GLIS3: variants seen among roughly 807,000 people sequenced by gnomAD.
GLIS3 encodes the protein zinc finger protein GLIS3.
GLIS3 carries 53 observed loss-of-function variants against 78.6 expected under a neutral mutation model. The observed-to-expected ratio is 0.67, with a 90% CI of 0.54 to 0.85. The LOEUF is 0.85. Ranked by LOEUF, GLIS3 falls within the 40% of genes least tolerant of loss-of-function variation. The pLI is 0.00. For missense variants in GLIS3, 1,703 were observed against 1,231.1 expected, an observed-to-expected ratio of 1.38 and a Z score of -5.74; for synonymous variants, 684 against 509.9, an observed-to-expected ratio of 1.34 and a Z score of -4.60.
the GLIS3 span, among the ~76,000 whole-genome samples, chr9:4,483,468 T>C: frequency 8.7e-4 from 133 of 152,068 alleles, 1 homozygote; most frequent in African/African-American, 2.2e-3. Context: ...GCCTGTAATC[T>C]CAGCACTTTG....
intron 4 of GLIS3, among the ~76,000 whole-genome samples, chr9:4,108,571 G>A (rs1428850328): frequency 6.6e-6 from 1 of 152,028 alleles, no homozygotes; most frequent in African/African-American, 2.4e-5. Flanking sequence ...TTGCTTTTCT[G>A]GGCAATTTTC....
At position 3,987,771 on chromosome 9, in the gene GLIS3, A is replaced by AC. The variant is rs1293768601; in HGVS notation, c.1711-50583_1711-50582insG. On this transcript the variant is annotated intron_variant, in intron 4 of 10. Coordinates refer to ENST00000381971, the MANE Select transcript of GLIS3 (RefSeq NM_001042413.2). ...ACTCCCTGGATTTGGCAAAAAAAAA[A>AC]AAAAAAAAAAAAAAAAACAAAACAC... is the stretch of plus-strand genomic sequence containing the variant. Among the ~76,000 whole-genome samples the AC allele has an allele frequency of 7.3e-4, 103 of 141,752 alleles. 3 individuals are homozygous for AC. Among genetic ancestry groups the AC allele is most frequent in the African/African-American group, 2.4e-3 (92 of 39,082 alleles). The allele number at this position is 141,752 out of a possible 152,430, so 93.0% of individuals were successfully genotyped here. A position where few individuals can be genotyped will look rare whatever the true frequency, so the allele number is the denominator to read the frequency against.
intron 4 of GLIS3, among the ~76,000 whole-genome samples, chr9:4,023,507 T>TG (rs1823055043): frequency 6.6e-6 from 1 of 152,176 alleles, no homozygotes; most frequent in Non-Finnish European, 1.5e-5. Context: ...AGACGGTGGG[T>TG]GAAAAATCAC....
chr9:3,946,226 C>A (rs1438342714), intron 4 of GLIS3, among the ~76,000 whole-genome samples: 1 of 152,206 alleles, frequency 6.6e-6, no homozygotes, highest in Non-Finnish European at 1.5e-5. Flanking sequence ...AGGCTGTGAG[C>A]TTTATAAGAA....
intron 4 of GLIS3, among the ~76,000 whole-genome samples, chr9:4,063,737 A>G (rs1345325175): frequency 6.6e-6 from 1 of 152,224 alleles, no homozygotes; most frequent in African/African-American, 2.4e-5. Flanking sequence ...TAGAAAATAA[A>G]TTGAGAAAAA....
At chr9:4,065,354 C>T (rs1827005968) in intron 4 of GLIS3, among the ~76,000 whole-genome samples, 1 of 152,162 alleles carries the variant, frequency 6.6e-6, no homozygotes, top group Non-Finnish European at 1.5e-5. Context: ...TTTTTAAGTA[C>T]TATAATATTT....
the GLIS3 span, among the ~76,000 whole-genome samples, chr9:4,362,338 C>A: frequency 6.6e-6 from 1 of 152,114 alleles, no homozygotes; most frequent in Non-Finnish European, 1.5e-5. Flanking sequence ...TTTTTGCTGA[C>A]TGGCTTGTGC....
Position 3,855,932 on chromosome 9 carries a change from C to T in GLIS3, c.2473+77G>A, listed in dbSNP as rs113454672. 3.4e-4 allele frequency: 512 copies of T among 1,502,350 alleles called. 1 individual carries two copies. In the African/African-American group the frequency reaches 5.8e-3, roughly 17 times the overall value. 93.1% of individuals were successfully genotyped at this position (1,502,350 alleles called of 1,614,324 possible). On this transcript the variant is annotated intron_variant, in intron 9 of 10. Coordinates refer to ENST00000381971, the MANE Select transcript of GLIS3 (RefSeq NM_001042413.2). The stretch of plus-strand genomic sequence containing the variant: ...TGTAGAACAGAGCATCTGAAATCCA[C>T]GACAGGTAACTAAGATGAAAAGCAA...
Position 3,828,025 on chromosome 9 carries a change from TC to T in GLIS3, c.*246del, listed in dbSNP as rs1817817652. On this transcript the variant is annotated 3_prime_UTR_variant, in exon 11 of 11. Transcript: ENST00000381971. ...TATCCAGGAGAGTGAGGCTCTAAAT[TC>T]CCTTTGAAAAGACAGTCCTCCTGGT... 1.8e-6 allele frequency: 1 copy of T among 540,918 alleles called. No homozygotes were observed. The highest frequency in any genetic ancestry group is 2.0e-5 in the South Asian group (1 of 49,096). 33.5% of individuals were successfully genotyped at this position (540,918 alleles called of 1,614,324 possible).
At chr9:4,351,321 C>T (rs532145160), upstream of GLIS3, among the ~76,000 whole-genome samples, 144 of 149,082 alleles carry the variant, frequency 9.7e-4, no homozygotes, top group African/African-American at 3.3e-3. Context: ...AGGAGGATCA[C>T]TTGAACCTGG....
chr9:4,036,578 A>G (rs1824326140), intron 4 of GLIS3, among the ~76,000 whole-genome samples: 2 of 152,076 alleles, frequency 1.3e-5, no homozygotes, highest in Non-Finnish European at 2.9e-5. Context: ...TCTCCCTGAG[A>G]CTCCAAGAGT....
At chr9:4,377,247 G>T in the GLIS3 span, among the ~76,000 whole-genome samples, 2 of 135,410 alleles carry the variant, frequency 1.5e-5, no homozygotes, top group African/African-American at 5.2e-5. Flanking sequence ...CTGGCTGCCA[G>T]CGCATCTGGA....
chr9:3,924,186 A>G (rs979640887), intron 6 of GLIS3, among the ~76,000 whole-genome samples: 6 of 152,196 alleles, frequency 3.9e-5, no homozygotes, highest in African/African-American at 1.4e-4. Flanking sequence ...ACCCAGAAAG[A>G]CTGGCTCTAG....
chr9:4,227,138 G>A (rs1448957709), intron 2 of GLIS3, among the ~76,000 whole-genome samples: 1 of 152,076 alleles, frequency 6.6e-6, no homozygotes, highest in Non-Finnish European at 1.5e-5. Flanking sequence ...AGGCACTGGA[G>A]CCTCAGGTCT....
intron 2 of GLIS3, among the ~76,000 whole-genome samples, chr9:4,330,181 G>A (rs1006878594): frequency 6.6e-6 from 1 of 152,206 alleles, no homozygotes; most frequent in African/African-American, 2.4e-5. Flanking sequence ...TCTGATTTGT[G>A]ATGTCTGGAT....
chr9:4,439,973 G>A, the GLIS3 span, among the ~76,000 whole-genome samples: 52 of 152,292 alleles, frequency 3.4e-4, no homozygotes, highest in Middle Eastern at 6.8e-3. Flanking sequence ...ATGAGCCACC[G>A]TGCCCAGCCT....
chr9:4,254,130 C>T (rs1004390610), intron 2 of GLIS3, among the ~76,000 whole-genome samples: 5 of 152,156 alleles, frequency 3.3e-5, no homozygotes, highest in Admixed American at 3.3e-4. Context: ...TTGTTCATTT[C>T]AACAAACATT....
intron 9 of GLIS3, among the ~76,000 whole-genome samples, chr9:3,849,268 C>T (rs1255682018): frequency 6.6e-6 from 1 of 152,162 alleles, no homozygotes; most frequent in East Asian, 1.9e-4. Flanking sequence ...TCCCATTTTA[C>T]AGATTAGAAA....
At chr9:4,427,131 T>C in the GLIS3 span, among the ~76,000 whole-genome samples, 1 of 152,198 alleles carries the variant, frequency 6.6e-6, no homozygotes, top group Admixed American at 6.5e-5. Flanking sequence ...AGTGTTGCCA[T>C]CTATATTTTA....
Sources: allele counts gnomAD v4.1 joint callset (sites outside exome capture counted in the v4.1 genomes callset), GRCh38; gene constraint gnomAD v4.1.1; transcripts MANE v1.5; gene names NCBI Gene and HGNC (gene_info 2026-07-23, HGNC 2026-07-21).